Variants in DPP10 observed in about 807,000 individuals in gnomAD.
DPP10 encodes the protein dipeptidyl peptidase like 10, also known as inactive dipeptidyl peptidase 10.
DPP10 carries 33 observed loss-of-function variants against 120.9 expected under a neutral mutation model. The observed-to-expected ratio is 0.27, with a 90% CI of 0.21 to 0.37. The LOEUF (loss-of-function observed/expected upper bound fraction) is 0.37. Among genes scored for constraint, DPP10 ranks in the 10% least tolerant of loss-of-function variants. DPP10 has a pLI of 1.00. For synonymous variants in DPP10, 337 were observed against 326.1 expected (o/e 1.03, Z -0.36); for missense variants, 816 against 942.8 (o/e 0.87, Z 1.76).
At chr2:114,869,472 C>A (rs1353992193) in intron 1 of DPP10, among the ~76,000 whole-genome samples, 1 of 152,014 alleles carries the variant, frequency 6.6e-6, no homozygotes, top group Admixed American at 6.6e-5. Flanking sequence ...GTGAAACAGT[C>A]CCCCCAGGTT....
At chr2:114,536,064 C>T (rs1328432202) in intron 1 of DPP10, among the ~76,000 whole-genome samples, 1 of 152,068 alleles carries the variant, frequency 6.6e-6, no homozygotes, top group Non-Finnish European at 1.5e-5. Flanking sequence ...TCTCACCAGC[C>T]CTCTTGAGGT....
intron 1 of DPP10, among the ~76,000 whole-genome samples, chr2:115,136,950 T>C (rs1370888314): frequency 1.3e-5 from 2 of 152,206 alleles, no homozygotes; most frequent in Non-Finnish European, 2.9e-5. Flanking sequence ...TCCTTCCCTT[T>C]AGGTCTGAAG....
intron 3 of DPP10, among the ~76,000 whole-genome samples, chr2:115,495,251 A>G (rs2076330887): frequency 6.7e-6 from 1 of 150,348 alleles, no homozygotes; most frequent in Non-Finnish European, 1.5e-5. Context: ...GTAATAGTTT[A>G]GGATTGGTGA....
chr2:115,352,935 C>G (rs10496490), intron 3 of DPP10, among the ~76,000 whole-genome samples: 101,216 of 151,724 alleles, frequency 0.67, 34,042 homozygotes, highest in Admixed American at 0.74. Flanking sequence ...CCCTGCCTCT[C>G]TTTTTATTTG....
At chr2:115,131,667 T>G (rs767232398) in intron 1 of DPP10, among the ~76,000 whole-genome samples, 1 of 152,190 alleles carries the variant, frequency 6.6e-6, no homozygotes, top group African/African-American at 2.4e-5. Flanking sequence ...TAGCTACTGA[T>G]TTGTTATCAG....
intron 1 of DPP10, among the ~76,000 whole-genome samples, chr2:115,147,871 A>C (rs539408022): frequency 6.6e-6 from 1 of 152,216 alleles, no homozygotes; most frequent in East Asian, 1.9e-4. Context: ...GGGATGTACA[A>C]ATTTAGAGAC....
At chr2:115,189,295 G>C (rs566153387) in intron 1 of DPP10, among the ~76,000 whole-genome samples, 1 of 152,236 alleles carries the variant, frequency 6.6e-6, no homozygotes, top group African/African-American at 2.4e-5. Context: ...GTATAAGCCG[G>C]AGTGGCGGGG....
intron 1 of DPP10, among the ~76,000 whole-genome samples, chr2:114,894,908 T>C (rs980716504): frequency 3.9e-5 from 6 of 152,108 alleles, no homozygotes; most frequent in African/African-American, 7.2e-5. Context: ...AAAAATTAAA[T>C]AGAGAAAAGG....
intron 5 of DPP10, among the ~76,000 whole-genome samples, chr2:115,566,425 A>G (rs181187093): frequency 1.3e-5 from 2 of 151,654 alleles, no homozygotes; most frequent in Admixed American, 6.6e-5. Flanking sequence ...CCATTTATTC[A>G]TTCATGTGTT....
At chr2:114,539,263 C>T (rs1443124254) in intron 1 of DPP10, among the ~76,000 whole-genome samples, 1 of 149,726 alleles carries the variant, frequency 6.7e-6, no homozygotes, top group Non-Finnish European at 1.5e-5. Context: ...CACATAATTA[C>T]ATATATACAA....
chr2:114,444,534 A>G (rs1295573873), intron 1 of DPP10, among the ~76,000 whole-genome samples: 1 of 151,430 alleles, frequency 6.6e-6, no homozygotes, highest in Non-Finnish European at 1.5e-5. Flanking sequence ...CACTTCCTTT[A>G]TTAGTGCTCT....
intron 3 of DPP10, among the ~76,000 whole-genome samples, chr2:115,376,029 G>C (rs2106428963): frequency 6.6e-6 from 1 of 152,134 alleles, no homozygotes; most frequent in East Asian, 1.9e-4. Context: ...CCAGAAATGA[G>C]GCATTAGTGG....
chr2:114,504,033 T>C (rs778036180), intron 1 of DPP10, among the ~76,000 whole-genome samples: 1 of 152,232 alleles, frequency 6.6e-6, no homozygotes, highest in South Asian at 2.1e-4. Flanking sequence ...TTCTACTTTC[T>C]AGTCATTTGT....
At chr2:115,309,715 T>C (rs2061503434) in intron 2 of DPP10, among the ~76,000 whole-genome samples, 1 of 152,092 alleles carries the variant, frequency 6.6e-6, no homozygotes, top group Non-Finnish European at 1.5e-5. Context: ...TTTCTATATA[T>C]AGATGATAAC....
intron 1 of DPP10, among the ~76,000 whole-genome samples, chr2:115,106,812 A>T (rs1042010252): frequency 6.6e-6 from 1 of 152,184 alleles, no homozygotes; most frequent in Non-Finnish European, 1.5e-5. Context: ...GCGGTGGCTC[A>T]CGCCTGTGAT....
At chr2:115,041,475 C>T (rs1034203757) in intron 1 of DPP10, among the ~76,000 whole-genome samples, 7 of 152,122 alleles carry the variant, frequency 4.6e-5, no homozygotes, top group Non-Finnish European at 8.8e-5. Context: ...TGAGATATTG[C>T]TTATGAGGTA....
intron 1 of DPP10, among the ~76,000 whole-genome samples, chr2:115,253,138 C>T (rs1340610550): frequency 6.6e-6 from 1 of 152,066 alleles, no homozygotes; most frequent in African/African-American, 2.4e-5. Flanking sequence ...CAGGAGCAGG[C>T]ATATCACATG....
intron 1 of DPP10, among the ~76,000 whole-genome samples, chr2:115,189,820 G>A (rs996076626): frequency 6.6e-6 from 1 of 152,064 alleles, no homozygotes; most frequent in Non-Finnish European, 1.5e-5. Context: ...CACCTTCTAC[G>A]CTGCGAGAGA....
At chr2:115,497,141 C>T (rs2076441409) in intron 3 of DPP10, among the ~76,000 whole-genome samples, 1 of 151,886 alleles carries the variant, frequency 6.6e-6, no homozygotes, top group Non-Finnish European at 1.5e-5. Flanking sequence ...GACTTTTGAG[C>T]AGTAAGGGAT....
Sources: gnomAD v4.1 joint callset for allele counts (sites outside exome capture counted in the v4.1 genomes callset) on GRCh38, gnomAD v4.1.1 for gene constraint, MANE v1.5 for transcripts, NCBI Gene and HGNC (gene_info 2026-07-23, HGNC 2026-07-21) for gene names.